The following DDIT3 variants were observed in gnomAD, a reference collection of about 807,000 sequenced individuals.
DDIT3 encodes DNA damage inducible transcript 3, also known as DNA damage-inducible transcript 3 protein.
In DDIT3, 14 loss-of-function variants were observed where a neutral mutation model predicts 17.6. The ratio of observed to expected loss-of-function variants is 0.80; its 90% CI spans 0.53 to 1.25. The LOEUF is 1.25. DDIT3 is among the 50% of genes most tolerant of loss of function. DDIT3 has a pLI of 0.00. For synonymous variants in DDIT3, 93 were observed against 76.5 expected (o/e 1.22, Z -1.13); for missense variants, 216 against 202.7 (o/e 1.07, Z -0.40).
chr12:57,517,148 A>C lies in DDIT3; in HGVS notation c.171T>G (p.Pro57=). The change falls in exon 4 of 4, where the codon CCT becomes CCG. Residue 57 remains proline (P), a synonymous_variant. Coordinates refer to ENST00000346473, the MANE Select transcript of DDIT3 (RefSeq NM_004083.6). The part of the protein sequence containing the change: ...EESKIFTTLD[P]ASLAWLTEEE... ...CCTCAGTCAGCCAAGCCAGAGAAGC[A>C]GGGTCAAGAGTGGTGAAGATTTTTG... 2 of 1,609,224 alleles carry C rather than the reference A, an allele frequency of 1.2e-6. No individual in the cohort carries two copies. The highest frequency in any genetic ancestry group is 1.7e-6 in the Non-Finnish European group (2 of 1,176,910).
rs753591979 is a variant in DDIT3, at chr12:57,516,975, G to T, written c.344C>A (p.Ala115Asp). The T allele has an allele frequency of 1.2e-6, 2 of 1,613,930 alleles. No individual in the cohort carries two copies. The highest frequency in any genetic ancestry group is 8.5e-7 in the Non-Finnish European group (1 of 1,180,034). Reference protein sequence around the residue: ...RKQSGHSPARAGKQRMKEKEQ... With the variant: ...RKQSGHSPARDGKQRMKEKEQ... ...TTTCTCCTTCATGCGCTGCTTTCCA[G>T]CCCGGGCTGGGGAATGACCACTCTG... The change falls in exon 4 of 4, where the codon GCT becomes GAT. Residue 115 changes from alanine to aspartate, a missense_variant. Transcript: ENST00000346473.
At chr12:57,519,404 G>C (rs1456800335) in intron 1 of DDIT3, 2 of 365,468 alleles carry the variant, frequency 5.5e-6, no homozygotes, top group Non-Finnish European at 1.1e-5. Context: ...CTTGCTCAAG[G>C]ATGTACCCTG....
chr12:57,517,075 AGT>A lies in DDIT3; in HGVS notation c.242_243del (p.His81LeufsTer47). ...AGGGAGCTCTGACTGGAATCTGGAG[AGT>A]GAGGGCTCTGGGAGGTGCTTGTGAC... Reference protein sequence around the residue: ...AEVTSTSQSPHSPDSSQSSLA... With the variant: ...AEVTSTSQSPXSPDSSQSSLA... On this transcript the variant is annotated frameshift_variant, in exon 4 of 4. Coordinates refer to ENST00000346473, the MANE Select transcript of DDIT3 (RefSeq NM_004083.6). LOFTEE classifies it high-confidence loss of function. 6.2e-7 allele frequency: 1 copy of A among 1,613,796 alleles called. No individual in the cohort carries two copies. Among genetic ancestry groups the A allele is most frequent in the African/African-American group, 1.3e-5 (1 of 74,900 alleles).
chr12:57,517,513 C>G, intron 2 of DDIT3, 75 bp from the exon 3 acceptor site: 1 of 1,515,768 alleles, frequency 6.6e-7, no homozygotes, highest in South Asian at 1.1e-5. Flanking sequence ...GCAAGCTGGT[C>G]TGATGCCTGT....
At chr12:57,519,173 G>C (rs775275284) in intron 1 of DDIT3, 1 of 533,404 alleles carries the variant, frequency 1.9e-6, no homozygotes, top group East Asian at 5.4e-5. Flanking sequence ...TTTTAAAACA[G>C]GTCATTCCTC....
chr12:57,516,688 T>C lies in DDIT3; in HGVS notation c.*121A>G, dbSNP rs1877864325. 2 of 1,527,410 alleles carry C rather than the reference T, an allele frequency of 1.3e-6. No individual in the cohort carries two copies. The highest frequency in any genetic ancestry group is 1.8e-6 in the Non-Finnish European group (2 of 1,138,706). 94.6% of individuals were successfully genotyped at this position (1,527,410 alleles called of 1,614,324 possible). ...CCTTTCCTTTTGTCTACTCCAAGCC[T>C]TCCCCCTGCGTATGTGGGATTGAGG... is the stretch of plus-strand genomic sequence containing the variant. On this transcript the variant is annotated 3_prime_UTR_variant, in exon 4 of 4. Transcript: ENST00000346473.
At position 57,516,788 on chromosome 12, in the gene DDIT3, G is replaced by C; in HGVS notation, c.*21C>G. 6.2e-7 allele frequency: 1 copy of C among 1,602,476 alleles called. No individual in the cohort carries two copies. Among genetic ancestry groups the C allele is most frequent in the Non-Finnish European group, 8.5e-7 (1 of 1,176,142 alleles). On this transcript the variant is annotated 3_prime_UTR_variant, in exon 4 of 4. Transcript: ENST00000346473. ...AAGGTGGGTAGTGTGGCCCAAGTGG[G>C]GGACTGATGCTCCCAATTGTTCATG... is the stretch of plus-strand genomic sequence containing the variant.
chr12:57,518,575 C>T (rs1878051925), intron 1 of DDIT3, among the ~76,000 whole-genome samples: 1 of 152,212 alleles, frequency 6.6e-6, no homozygotes, highest in Non-Finnish European at 1.5e-5. Flanking sequence ...CAGATGACAA[C>T]TCTAGTTGCT....
rs1448742834 is a variant in DDIT3, at chr12:57,519,059, T to G, written c.-80-1306A>C. 5.7e-6 allele frequency: 3 copies of G among 526,644 alleles called. No individual in the cohort carries two copies. The African/African-American group carries it at 5.8e-5, about 10-fold the overall frequency. 32.6% of individuals were successfully genotyped at this position (526,644 alleles called of 1,614,324 possible). A position where few individuals can be genotyped will look rare whatever the true frequency, so the allele number is the denominator to read the frequency against. On this transcript the variant is annotated intron_variant, in intron 1 of 3. Coordinates refer to ENST00000346473, the MANE Select transcript of DDIT3 (RefSeq NM_004083.6). The stretch of plus-strand genomic sequence containing the variant: ...TCCAATCTAGATCAATTCACTACCA[T>G]CTCTAAATTACTGCAGAAACTTTCT...
Position 57,516,968 on chromosome 12 carries a change from C to T in DDIT3, c.351G>A (p.Lys117=). Residue 117 remains lysine (K), a synonymous_variant, in exon 4 of 4, where the codon AAG becomes AAA. Coordinates refer to ENST00000346473, the MANE Select transcript of DDIT3 (RefSeq NM_004083.6). The stretch of plus-strand genomic sequence containing the variant: ...CCTGTTCTTTCTCCTTCATGCGCTG[C>T]TTTCCAGCCCGGGCTGGGGAATGAC... ...QSGHSPARAG[K]QRMKEKEQEN... The T allele has an allele frequency of 6.2e-7, 1 of 1,614,188 alleles. No individual in the cohort carries two copies. Among genetic ancestry groups the T allele is most frequent in the African/African-American group, 1.3e-5 (1 of 75,048 alleles).
In DDIT3 at chr12:57,516,628, T is replaced by A; in HGVS notation, c.*181A>T. The A allele has an allele frequency of 6.5e-7, 1 of 1,535,216 alleles. No individual in the cohort carries two copies. Among genetic ancestry groups the A allele is most frequent in the Non-Finnish European group, 8.7e-7 (1 of 1,146,330 alleles). On this transcript the variant is annotated 3_prime_UTR_variant, in exon 4 of 4. Coordinates refer to ENST00000346473, the MANE Select transcript of DDIT3 (RefSeq NM_004083.6). Reference sequence around the variant, plus strand: ...TCACTTTAATAGATAGGGACAGTAATAAATAAATGTACAATCTCTATATAC... The same window carrying A: ...TCACTTTAATAGATAGGGACAGTAAAAAATAAATGTACAATCTCTATATAC...
At chr12:57,518,727 C>G (rs960276858) in intron 1 of DDIT3, among the ~76,000 whole-genome samples, 14 of 152,218 alleles carry the variant, frequency 9.2e-5, no homozygotes, top group African/African-American at 3.4e-4. Flanking sequence ...GTGGCGCAAT[C>G]GGCTCACTGC....
chr12:57,519,616 G>A (rs904794802), intron 1 of DDIT3, among the ~76,000 whole-genome samples: 2 of 152,202 alleles, frequency 1.3e-5, no homozygotes, highest in African/African-American at 4.8e-5. Flanking sequence ...TTGCCTTCCA[G>A]TGTGTGGGAC....
rs774493745 is a variant in DDIT3 at position 57,516,798 on chromosome 12, C to G, written c.*11G>C. On this transcript the variant is annotated 3_prime_UTR_variant, in exon 4 of 4. Coordinates refer to ENST00000346473, the MANE Select transcript of DDIT3 (RefSeq NM_004083.6). ...GTGTGGCCCAAGTGGGGGACTGATG[C>G]TCCCAATTGTTCATGCTTGGTGCAG... 2.7e-5 allele frequency: 44 copies of G among 1,606,118 alleles called. No individual in the cohort carries two copies. Among genetic ancestry groups the G allele is most frequent in the Non-Finnish European group, 3.4e-5 (40 of 1,177,978 alleles).
chr12:57,517,832 CTTTT>C, intron 1 of DDIT3, 79 bp from the exon 2 acceptor site: 1 of 384,514 alleles, frequency 2.6e-6, no homozygotes, highest in Non-Finnish European at 4.6e-6. Context: ...TTTTTTCTTT[CTTTT>C]TTTTTTTTTG....
At chr12:57,517,244 T>G in intron 3 of DDIT3, 25 bp downstream of exon 3, 1 of 1,613,594 alleles carries the variant, frequency 6.2e-7, no homozygotes, top group Non-Finnish European at 8.5e-7. Flanking sequence ...ACATCCCCCT[T>G]TAGCTTTAGG....
In DDIT3 at chr12:57,516,802, C is replaced by T. The variant is rs1877875797; in HGVS notation, c.*7G>A. On this transcript the variant is annotated 3_prime_UTR_variant, in exon 4 of 4. Coordinates refer to ENST00000346473, the MANE Select transcript of DDIT3 (RefSeq NM_004083.6). Reference sequence around the variant, plus strand: ...GGCCCAAGTGGGGGACTGATGCTCCCAATTGTTCATGCTTGGTGCAGATTC... The same window carrying T: ...GGCCCAAGTGGGGGACTGATGCTCCTAATTGTTCATGCTTGGTGCAGATTC... The T allele has an allele frequency of 6.2e-7, 1 of 1,607,728 alleles. No individual in the cohort carries two copies. Among genetic ancestry groups the T allele is most frequent in the South Asian group, 1.1e-5 (1 of 91,000 alleles).
intron 1 of DDIT3, chr12:57,519,180 C>T (rs1565655928): frequency 3.7e-6 from 2 of 533,468 alleles, no homozygotes; most frequent in East Asian, 5.4e-5. Flanking sequence ...ACAGGTCATT[C>T]CTCTGCTCAA....
chr12:57,517,426 T>C lies in DDIT3; in HGVS notation c.-20A>G, dbSNP rs1421184493. The C allele has an allele frequency of 6.2e-7, 1 of 1,604,478 alleles. No homozygotes were observed. Among genetic ancestry groups the C allele is most frequent in the Middle Eastern group, 1.6e-4 (1 of 6,062 alleles). On this transcript the variant is annotated 5_prime_UTR_variant, in exon 3 of 4. Coordinates refer to ENST00000346473, the MANE Select transcript of DDIT3 (RefSeq NM_004083.6). Reference sequence around the variant, plus strand: ...TGCCATCTCTGCAGTTGGATCAGTCTGGAAAAGCACATCTGCAGGATAATG... The same window carrying C: ...TGCCATCTCTGCAGTTGGATCAGTCCGGAAAAGCACATCTGCAGGATAATG...
Sources: gnomAD v4.1 joint callset for allele counts (sites outside exome capture counted in the v4.1 genomes callset) on GRCh38, gnomAD v4.1.1 for gene constraint, MANE v1.5 for transcripts, NCBI Gene and HGNC (gene_info 2026-07-23, HGNC 2026-07-21) for gene names.